The following SLC17A5 variants were observed in gnomAD, a reference collection of about 807,000 sequenced individuals.
The protein encoded by SLC17A5 is solute carrier family 17 member 5.
A neutral mutation model predicts 59.4 loss-of-function variants in SLC17A5; 47 were observed. That is an observed-to-expected ratio of 0.79 (90% CI 0.63 to 1.01). SLC17A5 has a LOEUF of 1.01. SLC17A5 is among the 50% of genes least tolerant of loss of function. The pLI, the probability that SLC17A5 is intolerant of heterozygous loss-of-function variation, is 0.00. For synonymous variants in SLC17A5, 202 were observed against 210.7 expected (o/e 0.96, Z 0.36); for missense variants, 522 against 595.5 (o/e 0.88, Z 1.28).
intron 2 of SLC17A5, among the ~76,000 whole-genome samples, chr6:73,642,254 C>A (rs1393419371): frequency 2.6e-5 from 4 of 152,308 alleles, no homozygotes; most frequent in Admixed American, 2.0e-4. Context: ...TATCTCTGAG[C>A]CTACTATGGC....
At chr6:73,631,687 C>T (rs1427753730) in intron 6 of SLC17A5, among the ~76,000 whole-genome samples, 2 of 151,900 alleles carry the variant, frequency 1.3e-5, no homozygotes, top group Non-Finnish European at 2.9e-5. Context: ...TGGCTGAGGA[C>T]TGCCACCTTC....
chr6:73,649,580 G>C (rs1769749579), intron 1 of SLC17A5, among the ~76,000 whole-genome samples: 1 of 152,162 alleles, frequency 6.6e-6, no homozygotes, highest in Non-Finnish European at 1.5e-5. Context: ...ACTTCAGCCT[G>C]GGCAACAGAA....
Position 73,644,615 on chromosome 6 carries a change from A to G in SLC17A5, c.95-12T>C. ...GCAGCACACTGGAGCTGAAATAAAG[A>G]TTGGGGAAAATTTTTATTTATTTTT... On this transcript the variant is annotated splice_polypyrimidine_tract_variant and intron_variant, in intron 1 of 10. Coordinates refer to ENST00000355773, the MANE Select transcript of SLC17A5 (RefSeq NM_012434.5). 1 of 1,608,708 alleles carries G rather than the reference A, an allele frequency of 6.2e-7. No individual in the cohort carries two copies. Among genetic ancestry groups the G allele is most frequent in the Non-Finnish European group, 8.5e-7 (1 of 1,176,698 alleles).
intron 3 of SLC17A5, among the ~76,000 whole-genome samples, chr6:73,640,614 C>CCA (rs1408557879): frequency 1.3e-5 from 2 of 152,164 alleles, no homozygotes; most frequent in Non-Finnish European, 2.9e-5. Context: ...CTACACCAAG[C>CCA]CCAGTGGCCA....
chr6:73,602,567 G>A (rs1254352160), intron 9 of SLC17A5, among the ~76,000 whole-genome samples: 1 of 152,156 alleles, frequency 6.6e-6, no homozygotes, highest in African/African-American at 2.4e-5. Context: ...GAGGTCAGGA[G>A]ATCGAGACCA....
In SLC17A5 at chr6:73,625,497, A is replaced by G. The variant is rs376049226; in HGVS notation, c.820-3535T>C. ...CCAGTGAGCCATTGCGCTTGGTTGT[A>G]TTTTTTAATATGATCAAAGATGTAC... On this transcript the variant is annotated intron_variant, in intron 6 of 10. Transcript: ENST00000355773. Among the ~76,000 whole-genome samples the G allele has an allele frequency of 9.2e-5, 14 of 152,216 alleles. No individual in the cohort carries two copies. In the East Asian group the frequency reaches 1.2e-3, roughly 13 times the overall value.
intron 6 of SLC17A5, among the ~76,000 whole-genome samples, chr6:73,632,512 A>G (rs1768790089): frequency 6.9e-6 from 1 of 144,242 alleles, no homozygotes; most frequent in Admixed American, 7.4e-5. Context: ...GCACAAACAC[A>G]GCTTACTATA....
intron 10 of SLC17A5, among the ~76,000 whole-genome samples, chr6:73,599,734 T>G (rs1766971232): frequency 6.6e-6 from 1 of 152,208 alleles, no homozygotes; most frequent in African/African-American, 2.4e-5. Flanking sequence ...GTAGGAACAC[T>G]ATCTGTCGGA....
intron 7 of SLC17A5, among the ~76,000 whole-genome samples, chr6:73,617,799 C>A (rs759994200): frequency 2.0e-5 from 3 of 152,212 alleles, no homozygotes; most frequent in Non-Finnish European, 2.9e-5. Context: ...AAGATTGCGC[C>A]ACTGCGCTCC....
intron 7 of SLC17A5, among the ~76,000 whole-genome samples, chr6:73,620,329 T>G (rs10943113): frequency 0.23 from 33,336 of 145,570 alleles, 3,860 homozygotes; most frequent in African/African-American, 0.26. Flanking sequence ...ACTGTAGTAG[T>G]ATATTATTTA....
At chr6:73,636,457 A>C (rs1175145231) in intron 5 of SLC17A5, among the ~76,000 whole-genome samples, 164 bp downstream of exon 5, 1 of 152,180 alleles carries the variant, frequency 6.6e-6, no homozygotes, top group Non-Finnish European at 1.5e-5. Flanking sequence ...CTCGTAACTC[A>C]AATAGGTCAA....
At chr6:73,648,081 A>G (rs1769670817) in intron 1 of SLC17A5, among the ~76,000 whole-genome samples, 1 of 152,194 alleles carries the variant, frequency 6.6e-6, no homozygotes, top group Admixed American at 6.5e-5. Context: ...AAAAAAAAAG[A>G]AAATAAAAAG....
chr6:73,625,411 T>G (rs1768359333), intron 6 of SLC17A5, among the ~76,000 whole-genome samples: 1 of 152,150 alleles, frequency 6.6e-6, no homozygotes, highest in Non-Finnish European at 1.5e-5. Flanking sequence ...GGTGGTGAAC[T>G]CTTGACCTCA....
At chr6:73,645,465 G>A (rs1769492542) in intron 1 of SLC17A5, 1 of 985,106 alleles carries the variant, frequency 1.0e-6, no homozygotes, top group African/African-American at 1.7e-5. Flanking sequence ...CAGTAAAAAG[G>A]GAAATCAGTG....
intron 10 of SLC17A5, among the ~76,000 whole-genome samples, chr6:73,597,774 C>T (rs1307510177): frequency 6.6e-6 from 1 of 151,866 alleles, no homozygotes; most frequent in Non-Finnish European, 1.5e-5. Context: ...CGATGGAGAC[C>T]CTGTCTCAAA....
rs202005821 is a variant in SLC17A5 at position 73,595,210 on chromosome 6, G to C, written c.1355C>G (p.Thr452Ser). 123 of 1,613,886 alleles carry C rather than the reference G, an allele frequency of 7.6e-5. No individual in the cohort carries two copies. Among genetic ancestry groups the C allele is most frequent in the South Asian group, 1.3e-4 (12 of 91,082 alleles). Reference sequence around the variant, plus strand: ...GAACACGGTTTGCCATTCTCCAACAGTGTTCTATAAAGGAAGACAAAAAAT... The same window carrying C: ...GAACACGGTTTGCCATTCTCCAACACTGTTCTATAAAGGAAGACAAAAAAT... ...VIAKSLTPDN[T>S]VGEWQTVFYI... is the part of the protein sequence containing the mutation. The change falls in exon 11 of 11, where the codon ACT becomes AGT. Residue 452 changes from threonine to serine, a missense_variant. By Grantham distance (58) the Thr-to-Ser change is moderately conservative. Coordinates refer to ENST00000355773, the MANE Select transcript of SLC17A5 (RefSeq NM_012434.5).
intron 1 of SLC17A5, among the ~76,000 whole-genome samples, chr6:73,648,359 TG>T (rs1769682536): frequency 6.6e-6 from 1 of 152,224 alleles, no homozygotes; most frequent in African/African-American, 2.4e-5. Context: ...ATAAGGAACA[TG>T]GCACCCATCA....
chr6:73,616,571 A>ACT (rs1451669197), intron 7 of SLC17A5, among the ~76,000 whole-genome samples: 1 of 123,168 alleles, frequency 8.1e-6, no homozygotes, highest in Non-Finnish European at 1.7e-5. Flanking sequence ...ACACACACAC[A>ACT]CACACACACG....
At chr6:73,642,353 G>A (rs1214226005) in intron 2 of SLC17A5, among the ~76,000 whole-genome samples, 4 of 152,036 alleles carry the variant, frequency 2.6e-5, no homozygotes, top group Non-Finnish European at 5.9e-5. Flanking sequence ...GCAGAAAACT[G>A]TAGTGGCTGA....
Sources: gnomAD v4.1 joint callset for allele counts (sites outside exome capture counted in the v4.1 genomes callset) on GRCh38, gnomAD v4.1.1 for gene constraint, MANE v1.5 for transcripts, NCBI Gene and HGNC (gene_info 2026-07-23, HGNC 2026-07-21) for gene names.